The following PCDHA2 variants were observed in gnomAD, a reference collection of about 807,000 sequenced individuals.
PCDHA2 encodes the protein protocadherin alpha-2.
A neutral mutation model predicts 66.0 loss-of-function variants in PCDHA2; 58 were observed. The observed-to-expected ratio is 0.88, with a 90% CI of 0.71 to 1.09. The LOEUF is 1.09. Ranked by LOEUF, PCDHA2 falls within the 50% of genes least tolerant of loss-of-function variation. PCDHA2 has a pLI of 0.00. For synonymous variants in PCDHA2, 634 were observed against 554.0 expected (o/e 1.14, Z -2.03); for missense variants, 1,267 against 1,242.3 (o/e 1.02, Z -0.30).
In PCDHA2 at chr5:140,801,382, G is replaced by T. The variant is rs147415938; in HGVS notation, c.2388+4030G>T. 804 of 1,613,550 alleles carry T rather than the reference G, an allele frequency of 5.0e-4. 6 individuals are homozygous for T. In the African/African-American group the frequency reaches 9.8e-3, roughly 20 times the overall value. ...CTGGAGCTGGCGGAGCTGGTGCCGCGCCTGTTCCGGGTGGCGTCCAAAAGA... is the reference window on the plus strand; with the variant it reads ...CTGGAGCTGGCGGAGCTGGTGCCGCTCCTGTTCCGGGTGGCGTCCAAAAGA... On this transcript the variant is annotated intron_variant, in intron 1 of 3. Transcript: ENST00000526136.
At chr5:140,983,617 G>C (rs868994554) in intron 3 of PCDHA2, among the ~76,000 whole-genome samples, 1 of 152,228 alleles carries the variant, frequency 6.6e-6, no homozygotes, top group Admixed American at 6.5e-5. Context: ...GAGGCAGAGA[G>C]ATTAAGAAAT....
At chr5:140,808,336 G>A (rs1436485012) in intron 1 of PCDHA2, 1 of 1,614,136 alleles carries the variant, frequency 6.2e-7, no homozygotes, top group African/African-American at 1.3e-5. Flanking sequence ...GTGTCAATGG[G>A]CTGGTCACCT....
Position 140,808,113 on chromosome 5 carries a change from A to C in PCDHA2, c.2388+10761A>C, listed in dbSNP as rs782066312. 6.2e-6 allele frequency: 10 copies of C among 1,613,798 alleles called. No homozygotes were observed. The Admixed American group carries it at 6.7e-5, about 11-fold the overall frequency. ...CAAATTATTGTAAAGGGATATATTG[A>C]CTTTGAAGAAAGCAAATCCTATGAA... On this transcript the variant is annotated intron_variant, in intron 1 of 3. Transcript: ENST00000526136.
chr5:140,927,656 T>C (rs782201050), intron 1 of PCDHA2: 4 of 1,613,938 alleles, frequency 2.5e-6, no homozygotes, highest in Non-Finnish European at 3.4e-6. Flanking sequence ...TTATTCCGAG[T>C]TCAAGCCTTG....
At chr5:140,848,916 T>C (rs1389389482) in intron 1 of PCDHA2, 1 of 1,607,882 alleles carries the variant, frequency 6.2e-7, no homozygotes, top group South Asian at 1.1e-5. Context: ...AAAGAATCTG[T>C]TCATCGCGGA....
intron 1 of PCDHA2, among the ~76,000 whole-genome samples, chr5:140,918,473 T>A (rs1385942505): frequency 6.6e-6 from 1 of 152,166 alleles, no homozygotes; most frequent in African/African-American, 2.4e-5. Context: ...ATTCCAAGTC[T>A]CAAGGGGAAT....
At chr5:140,836,479 A>G (rs782130761) in intron 1 of PCDHA2, 4 of 1,613,680 alleles carry the variant, frequency 2.5e-6, no homozygotes, top group Admixed American at 1.7e-5. Flanking sequence ...GTCAACGTGT[A>G]CCTGATCATC....
At chr5:140,859,421 T>A in intron 1 of PCDHA2, 1 of 232,516 alleles carries the variant, frequency 4.3e-6, no homozygotes, top group Non-Finnish European at 8.1e-6. Flanking sequence ...TGATATAGAC[T>A]CAGAAATGAA....
At position 140,841,167 on chromosome 5, in the gene PCDHA2, G is replaced by A. The variant is rs1003651834; in HGVS notation, c.2388+43815G>A. On this transcript the variant is annotated intron_variant, in intron 1 of 3. Coordinates refer to ENST00000526136, the MANE Select transcript of PCDHA2 (RefSeq NM_018905.3). ...ATGTCGCTGTCTACCAAGAAGTTCTGGTTGGTCAATGTTCAAAGTCTTTTC... is the reference window on the plus strand; with the variant it reads ...ATGTCGCTGTCTACCAAGAAGTTCTAGTTGGTCAATGTTCAAAGTCTTTTC... 13 of 954,538 alleles carry A rather than the reference G, an allele frequency of 1.4e-5. 1 individual carries two copies. In the South Asian group the frequency reaches 1.6e-4, roughly 12 times the overall value. 59.1% of individuals were successfully genotyped at this position (954,538 alleles called of 1,614,324 possible). A position where few individuals can be genotyped will look rare whatever the true frequency, so the allele number is the denominator to read the frequency against.
intron 1 of PCDHA2, chr5:140,876,238 C>G (rs782170059): frequency 2.5e-6 from 4 of 1,613,896 alleles, no homozygotes; most frequent in Non-Finnish European, 3.4e-6. Context: ...TGAAAATGTC[C>G]AAAACGACAC....
chr5:140,941,942 T>C (rs2093203170), intron 1 of PCDHA2, among the ~76,000 whole-genome samples: 1 of 152,234 alleles, frequency 6.6e-6, no homozygotes, highest in African/African-American at 2.4e-5. Flanking sequence ...GAATTACTTT[T>C]GTTTTGAAAA....
intron 1 of PCDHA2, among the ~76,000 whole-genome samples, chr5:140,896,282 A>G (rs1326876303): frequency 2.0e-5 from 3 of 152,224 alleles, no homozygotes; most frequent in Non-Finnish European, 4.4e-5. Context: ...GCTGGCTTGA[A>G]TGGTAAGTTC....
chr5:141,006,525 T>G (rs1366958955), intron 3 of PCDHA2, among the ~76,000 whole-genome samples: 1 of 152,108 alleles, frequency 6.6e-6, no homozygotes, highest in African/African-American at 2.4e-5. Context: ...TATACATCAG[T>G]TTTTAAAGAG....
intron 1 of PCDHA2, chr5:140,866,786 T>C (rs368538353): frequency 6.6e-6 from 1 of 152,286 alleles, no homozygotes; most frequent in African/African-American, 2.4e-5. Context: ...TCCTGACTGA[T>C]ATAGTAAAAG....
chr5:140,950,107 A>G (rs1196740444), intron 1 of PCDHA2, among the ~76,000 whole-genome samples: 1 of 151,920 alleles, frequency 6.6e-6, no homozygotes, highest in Non-Finnish European at 1.5e-5. Context: ...ATTAAATCTC[A>G]TACAATACAA....
chr5:140,927,459 A>G (rs2084222098), intron 1 of PCDHA2: 1 of 1,614,018 alleles, frequency 6.2e-7, no homozygotes, highest in Non-Finnish European at 8.5e-7. Flanking sequence ...TGTTGGAGAA[A>G]GCACTGGATC....
intron 1 of PCDHA2, among the ~76,000 whole-genome samples, chr5:140,827,159 G>T (rs13181143): frequency 0.48 from 72,226 of 151,928 alleles, 17,745 homozygotes; most frequent in Middle Eastern, 0.61. Context: ...ATATGGATTT[G>T]TAAATACCTC....
intron 1 of PCDHA2, among the ~76,000 whole-genome samples, chr5:140,799,822 G>A (rs1310358472): frequency 6.6e-6 from 1 of 151,780 alleles, no homozygotes; most frequent in Non-Finnish European, 1.5e-5. Flanking sequence ...AAATGGTCTG[G>A]GTATAAGCAA....
intron 1 of PCDHA2, among the ~76,000 whole-genome samples, chr5:140,960,972 T>G (rs936519951): frequency 4.9e-4 from 75 of 152,306 alleles, no homozygotes; most frequent in Non-Finnish European, 2.2e-4. Flanking sequence ...GCAGTTGCAA[T>G]TCTTGTTCCA....
Sources: allele counts gnomAD v4.1 joint callset (sites outside exome capture counted in the v4.1 genomes callset), GRCh38; gene constraint gnomAD v4.1.1; transcripts MANE v1.5; gene names NCBI Gene and HGNC (gene_info 2026-07-23, HGNC 2026-07-21).